The following DHX32 variants were observed in gnomAD, a reference collection of about 807,000 sequenced individuals.
DHX32 encodes putative pre-mRNA-splicing factor ATP-dependent RNA helicase DHX32.
Under a neutral mutation model 70.0 loss-of-function variants are expected in DHX32, and 51 were observed. The observed-to-expected ratio is 0.73, with a 90% CI of 0.58 to 0.92. The LOEUF (loss-of-function observed/expected upper bound fraction) is 0.92. Ranked by LOEUF, DHX32 falls within the 40% of genes least tolerant of loss-of-function variation. DHX32 has a pLI of 0.00. For synonymous variants in DHX32, 310 were observed against 315.3 expected (o/e 0.98, Z 0.18); for missense variants, 762 against 891.8 (o/e 0.85, Z 1.85).
chr10:125,846,090 C>G (rs1240605002), intron 6 of DHX32, among the ~76,000 whole-genome samples: 1 of 152,208 alleles, frequency 6.6e-6, no homozygotes, highest in Non-Finnish European at 1.5e-5. Context: ...TATCGGCCTT[C>G]TAGAGGGCAC....
upstream of DHX32, among the ~76,000 whole-genome samples, chr10:125,882,079 A>AGTT (rs1318414277): frequency 6.6e-6 from 1 of 152,246 alleles, no homozygotes; most frequent in Non-Finnish European, 1.5e-5. Flanking sequence ...TAAATGAAGA[A>AGTT]GAGAAATCAC....
upstream of DHX32, among the ~76,000 whole-genome samples, chr10:125,883,046 G>A (rs541431544): frequency 3.1e-4 from 47 of 152,132 alleles, no homozygotes; most frequent in South Asian, 8.3e-4. Flanking sequence ...AAAAAGAAAT[G>A]TTTCTCTTAT....
chr10:125,887,510 T>C (rs79007832), intron 1 of DHX32, among the ~76,000 whole-genome samples: 1 of 152,198 alleles, frequency 6.6e-6, no homozygotes, highest in Non-Finnish European at 1.5e-5. Context: ...TACAGTGCCA[T>C]GGGTCTAACT....
Position 125,839,147 on chromosome 10 carries a change from A to G in DHX32, c.1735T>C (p.Ser579Pro). The G allele has an allele frequency of 6.2e-7, 1 of 1,614,244 alleles. No individual in the cohort carries two copies. Among genetic ancestry groups the G allele is most frequent in the Non-Finnish European group, 8.5e-7 (1 of 1,180,040 alleles). The change falls in exon 9 of 11, where the codon TCA (serine) becomes CCA (proline). Residue 579 changes from serine (S) to proline (P), a missense_variant. Ser to Pro is a moderately conservative substitution (Grantham distance 74). This residue lies in a region of DHX32 where 366 missense variants were observed against 402.6 expected (regional missense o/e 0.91). Coordinates refer to ENST00000284690, the MANE Select transcript of DHX32 (RefSeq NM_018180.3). The part of the protein sequence containing the change: ...KWCRDYFLNC[S>P]ALRMADVIRA... ...ATAACATCTGCCATTCTGAGTGCTG[A>G]ACAGTTGAGGAAGTAATCACGACAC...
At chr10:125,840,793 T>TAATAATAAC in intron 8 of DHX32, 54 bp downstream of exon 8, 1 of 1,514,008 alleles carries the variant, frequency 6.6e-7, no homozygotes, top group African/African-American at 1.4e-5. Flanking sequence ...GGACTCAGAC[T>TAATAATAAC]TATCTAGGGA....
chr10:125,880,957 G>C lies in DHX32; in HGVS notation c.-133C>G. The C allele has an allele frequency of 8.8e-7, 1 of 1,134,914 alleles. No homozygotes were observed. Among genetic ancestry groups the C allele is most frequent in the South Asian group, 1.6e-5 (1 of 63,394 alleles). The allele number at this position is 1,134,914 out of a possible 1,614,324, so 70.3% of individuals were successfully genotyped here. A position where few individuals can be genotyped will look rare whatever the true frequency, so the allele number is the denominator to read the frequency against. ...TCCAATCTCTAAGACTTCAGTTCAA[G>C]GTTTTAGCAAGTTAAATTCCTCAAA... On this transcript the variant is annotated 5_prime_UTR_variant, in exon 1 of 11. Transcript: ENST00000284690.
chr10:125,866,590 A>G lies in DHX32; in HGVS notation c.476+400T>C, dbSNP rs1181056945. 6.6e-6 allele frequency among the ~76,000 whole-genome samples: 1 copy of G among 152,208 alleles called. No homozygotes were observed. The highest frequency in any genetic ancestry group is 1.5e-5 in the Non-Finnish European group (1 of 68,016). On this transcript the variant is annotated intron_variant, in intron 2 of 10. Transcript: ENST00000284690. The surrounding 1 kb of genome is among the most constrained non-coding windows in gnomAD (Gnocchi z 4.8). ...TAGGAGGAACTAGCCGGGCCCGGAC[A>G]TGCTGAGCACAGGGAGGGGCAGGTG...
chr10:125,855,877 C>A (rs566971672), intron 3 of DHX32, among the ~76,000 whole-genome samples: 1 of 152,160 alleles, frequency 6.6e-6, no homozygotes, highest in Non-Finnish European at 1.5e-5. Flanking sequence ...TAGGTGAATT[C>A]TTCGGTCTAA....
chr10:125,855,307 A>G (rs950656301), intron 3 of DHX32, among the ~76,000 whole-genome samples: 2 of 152,028 alleles, frequency 1.3e-5, no homozygotes, highest in Non-Finnish European at 2.9e-5. Context: ...GCTTGGCCTT[A>G]GGAGGACACG....
In DHX32 at chr10:125,838,988, C is replaced by A. The variant is rs749399718; in HGVS notation, c.1881+13G>T. On this transcript the variant is annotated intron_variant, in intron 9 of 10. Transcript: ENST00000284690. The stretch of plus-strand genomic sequence containing the variant: ...AGCAGAGCCTATGCTGAGGTGACCC[C>A]ACCCCTTCTCACCTGCATAAAGTAA... 6.5e-5 allele frequency: 104 copies of A among 1,610,862 alleles called. 1 individual carries two copies. The highest frequency in any genetic ancestry group is 1.0e-4 in the Admixed American group (6 of 59,834).
At chr10:125,843,023 C>T (rs1854924076) in intron 6 of DHX32, among the ~76,000 whole-genome samples, 2 of 151,988 alleles carry the variant, frequency 1.3e-5, no homozygotes, top group African/African-American at 4.8e-5. Context: ...TTGCACCAAC[C>T]TAATATTTAT....
At chr10:125,840,789 A>ATC in intron 8 of DHX32, 58 bp downstream of exon 8, 1 of 1,505,186 alleles carries the variant, frequency 6.6e-7, no homozygotes, top group African/African-American at 1.4e-5. Flanking sequence ...ATAAGGACTC[A>ATC]GACTTATCTA....
chr10:125,841,437 A>C, intron 7 of DHX32: 1 of 1,556,742 alleles, frequency 6.4e-7, no homozygotes, highest in Non-Finnish European at 8.7e-7. Context: ...GGGGAAAAAC[A>C]CCTCTAGTGA....
At chr10:125,857,344 T>G (rs897774898) in intron 3 of DHX32, among the ~76,000 whole-genome samples, 2 of 152,214 alleles carry the variant, frequency 1.3e-5, no homozygotes, top group Non-Finnish European at 2.9e-5. Context: ...AGGTAAAGTC[T>G]GCTGAAGCCA....
intron 6 of DHX32, among the ~76,000 whole-genome samples, chr10:125,847,889 A>G (rs1944042733): frequency 6.6e-6 from 1 of 152,038 alleles, no homozygotes; most frequent in Non-Finnish European, 1.5e-5. Flanking sequence ...CAGTGCTGCC[A>G]CTGATCTGAC....
intron 1 of DHX32, among the ~76,000 whole-genome samples, chr10:125,876,493 C>G (rs1316217121): frequency 6.6e-6 from 1 of 152,150 alleles, no homozygotes; most frequent in Non-Finnish European, 1.5e-5. Flanking sequence ...AAGAACCAGG[C>G]AGATACCACC....
intron 6 of DHX32, among the ~76,000 whole-genome samples, chr10:125,844,108 A>G (rs537476853): frequency 2.6e-5 from 4 of 152,270 alleles, no homozygotes; most frequent in Non-Finnish European, 5.9e-5. Context: ...AGAAATCACA[A>G]TCATGGGAAA....
At chr10:125,861,311 C>T (rs1944186794) in intron 2 of DHX32, among the ~76,000 whole-genome samples, 1 of 151,796 alleles carries the variant, frequency 6.6e-6, no homozygotes, top group African/African-American at 2.4e-5. Flanking sequence ...TCCTGGCTAA[C>T]GCGGTGAAAC....
At chr10:125,874,579 T>C (rs1944273545) in intron 1 of DHX32, among the ~76,000 whole-genome samples, 1 of 152,238 alleles carries the variant, frequency 6.6e-6, no homozygotes, top group Admixed American at 6.5e-5. Context: ...ATTCTGAAAC[T>C]ACAATATGAA....
Sources: gnomAD v4.1 joint callset for allele counts (sites outside exome capture counted in the v4.1 genomes callset) on GRCh38, gnomAD v4.1.1 for gene constraint, gnomAD v4.1.1 regional missense constraint, Gnocchi (gnomAD v3.1) non-coding constraint, MANE v1.5 for transcripts, NCBI Gene and HGNC (gene_info 2026-07-23, HGNC 2026-07-21) for gene names.